Variants in ARRB1 observed in about 807,000 individuals in gnomAD.
ARRB1 encodes arrestin beta 1.
Under a neutral mutation model 56.8 loss-of-function variants are expected in ARRB1, and 21 were observed. The observed-to-expected ratio is 0.37, with a 90% CI of 0.26 to 0.53. ARRB1 has a LOEUF of 0.53. Among genes scored for constraint, ARRB1 ranks in the 20% least tolerant of loss-of-function variants. The pLI is 0.88. For missense variants in ARRB1, 424 were observed against 553.7 expected (o/e 0.77, Z 2.35); for synonymous variants, 210 against 218.6 (o/e 0.96, Z 0.35).
At chr11:75,331,715 G>A (rs1462559490) in intron 1 of ARRB1, among the ~76,000 whole-genome samples, 2 of 151,442 alleles carry the variant, frequency 1.3e-5, no homozygotes, top group Non-Finnish European at 2.9e-5. Flanking sequence ...GACTCAGCCC[G>A]CCTGCACCCA....
intron 7 of ARRB1, among the ~76,000 whole-genome samples, chr11:75,280,128 T>C (rs1397347128): frequency 3.3e-5 from 5 of 152,144 alleles, no homozygotes; most frequent in Admixed American, 3.3e-4. Context: ...CCATTGGTGG[T>C]AGGGTGAGAG....
chr11:75,292,656 A>C (rs1946638388), intron 1 of ARRB1, among the ~76,000 whole-genome samples: 1 of 152,168 alleles, frequency 6.6e-6, no homozygotes, highest in Non-Finnish European at 1.5e-5. Flanking sequence ...GGTCTGAAGG[A>C]AAGGAGAGGC....
chr11:75,267,593 C>A, intron 15 of ARRB1, 59 bp downstream of exon 15: 1 of 1,500,372 alleles, frequency 6.7e-7, no homozygotes, highest in Non-Finnish European at 9.2e-7. Context: ...CAAATGACCC[C>A]CTCCACCCCG....
At chr11:75,316,980 C>T (rs1415265923) in intron 1 of ARRB1, among the ~76,000 whole-genome samples, 1 of 152,086 alleles carries the variant, frequency 6.6e-6, no homozygotes, top group Non-Finnish European at 1.5e-5. Context: ...GCAGAAGAAT[C>T]GTTTGAACCC....
intron 1 of ARRB1, among the ~76,000 whole-genome samples, chr11:75,326,104 G>A (rs1038647696): frequency 2.0e-5 from 3 of 152,212 alleles, no homozygotes; most frequent in African/African-American, 7.2e-5. Context: ...GAGCTCTGCA[G>A]GGTCCCAGGG....
intron 7 of ARRB1, 111 bp from the exon 8 acceptor site, chr11:75,278,855 A>G (rs748923425): frequency 2.1e-5 from 30 of 1,434,596 alleles, no homozygotes; most frequent in Middle Eastern, 3.7e-4. Context: ...GCTCTCCATC[A>G]CCTTAGAATC....
At chr11:75,302,889 G>A (rs1946938181) in intron 1 of ARRB1, among the ~76,000 whole-genome samples, 1 of 152,136 alleles carries the variant, frequency 6.6e-6, no homozygotes, top group Non-Finnish European at 1.5e-5. Flanking sequence ...GGTGGGAGGA[G>A]ATGGTCATGT....
rs200753370 is a variant in ARRB1, at chr11:75,263,740, G to GA, written c.*2422dup. On this transcript the variant is annotated 3_prime_UTR_variant, in exon 16 of 16. Transcript: ENST00000420843. ...GCCTTGTGCAGTCCTGGCTCCAGGA[G>GA]AAAAAAAAAAAAAAAAGATAGTGCT... 0.019 allele frequency among the ~76,000 whole-genome samples: 2,204 copies of GA among 117,886 alleles called. 17 individuals are homozygous for GA. Among genetic ancestry groups the GA allele is most frequent in the Middle Eastern group, 0.045 (10 of 220 alleles). 77.3% of individuals were successfully genotyped at this position (117,886 alleles called of 152,430 possible).
rs141468595 is a variant in ARRB1, at chr11:75,299,027, G to C, written c.21-8988C>G. ...ATTAAATGTTCAGAGTAGGCAAATT[G>C]ATAGAGACAGAAGGTAAATTAGTGG... On this transcript the variant is annotated intron_variant, in intron 1 of 15. Transcript: ENST00000420843. Among the ~76,000 whole-genome samples the C allele has an allele frequency of 1.0e-3, 153 of 152,100 alleles. 1 individual carries two copies. The highest frequency in any genetic ancestry group is 3.3e-3 in the African/African-American group (137 of 41,502).
chr11:75,304,203 G>A (rs974555510), intron 1 of ARRB1, among the ~76,000 whole-genome samples: 12 of 152,104 alleles, frequency 7.9e-5, no homozygotes, highest in Admixed American at 3.3e-4. Context: ...TAAGGATATA[G>A]AATAACATAT....
intron 1 of ARRB1, among the ~76,000 whole-genome samples, chr11:75,331,910 G>A (rs973358219): frequency 1.4e-4 from 22 of 151,930 alleles, no homozygotes; most frequent in African/African-American, 5.3e-4. Context: ...ACATCCGGAT[G>A]GCCTGAGGCA....
At chr11:75,345,302 G>A (rs1288618473) in intron 1 of ARRB1, among the ~76,000 whole-genome samples, 1 of 152,086 alleles carries the variant, frequency 6.6e-6, no homozygotes, top group Non-Finnish European at 1.5e-5. Context: ...ACCCTGCCAG[G>A]GCCCCTTAGG....
At chr11:75,284,827 T>C (rs1411951664) in intron 3 of ARRB1, among the ~76,000 whole-genome samples, 1 of 152,080 alleles carries the variant, frequency 6.6e-6, no homozygotes, top group Non-Finnish European at 1.5e-5. Flanking sequence ...CACCTGAACC[T>C]GGGAGGCAGA....
At chr11:75,281,888 C>T in intron 6 of ARRB1, 74 bp downstream of exon 6, 2 of 1,500,538 alleles carry the variant, frequency 1.3e-6, no homozygotes, top group Non-Finnish European at 1.8e-6. Context: ...CCAGCACCTC[C>T]CAGGGAGAAA....
intron 1 of ARRB1, 106 bp downstream of exon 1, chr11:75,351,482 C>T: frequency 6.8e-7 from 1 of 1,460,492 alleles, no homozygotes; most frequent in Non-Finnish European, 9.1e-7. Context: ...TACTAGATCC[C>T]GCGGTGGCCG....
intron 5 of ARRB1, among the ~76,000 whole-genome samples, chr11:75,282,553 C>A (rs944712756): frequency 6.6e-6 from 1 of 152,194 alleles, no homozygotes; most frequent in Non-Finnish European, 1.5e-5. Flanking sequence ...GAAAGCAATG[C>A]TGGAAAAGGT....
chr11:75,329,432 T>C (rs1480879921), intron 1 of ARRB1, among the ~76,000 whole-genome samples: 1 of 152,158 alleles, frequency 6.6e-6, no homozygotes, highest in Admixed American at 6.6e-5. Context: ...AAACCTTCTC[T>C]GAGCCATCTC....
intron 1 of ARRB1, among the ~76,000 whole-genome samples, chr11:75,340,439 G>C (rs1024536514): frequency 6.6e-6 from 1 of 152,250 alleles, no homozygotes; most frequent in African/African-American, 2.4e-5. Flanking sequence ...CTCCTCCAAG[G>C]CCCCTCTGGG....
chr11:75,284,889 C>A (rs900527125), intron 3 of ARRB1, among the ~76,000 whole-genome samples: 2 of 137,762 alleles, frequency 1.5e-5, no homozygotes, highest in African/African-American at 2.8e-5. Context: ...GGCAACAGAG[C>A]GAGACTCTGT....
Sources: allele counts gnomAD v4.1 joint callset (sites outside exome capture counted in the v4.1 genomes callset), GRCh38; gene constraint gnomAD v4.1.1; transcripts MANE v1.5; gene names NCBI Gene and HGNC (gene_info 2026-07-23, HGNC 2026-07-21).